The following PNLDC1 variants were observed in gnomAD, a reference collection of about 807,000 sequenced individuals.
PNLDC1 encodes PARN like ribonuclease domain containing exonuclease 1.
In PNLDC1, 70 loss-of-function variants were observed where a neutral mutation model predicts 82.0. The observed-to-expected ratio is 0.85, with a 90% CI of 0.70 to 1.04. The LOEUF (loss-of-function observed/expected upper bound fraction) is 1.04. Ranked by LOEUF, PNLDC1 falls within the 50% of genes least tolerant of loss-of-function variation. The probability of loss-of-function intolerance (pLI) is 0.00; values close to 1 mark genes in which losing one functional copy is unlikely to be tolerated. For missense variants in PNLDC1, 631 were observed against 661.1 expected (o/e 0.95, Z 0.50); for synonymous variants, 280 against 249.3 (o/e 1.12, Z -1.16).
chr6:159,807,504 C>T (rs976177773), intron 7 of PNLDC1, among the ~76,000 whole-genome samples: 1 of 152,212 alleles, frequency 6.6e-6, no homozygotes, highest in Non-Finnish European at 1.5e-5. Flanking sequence ...CATGTGCCAC[C>T]GTAAGCTTGA....
chr6:159,808,968 T>G (rs1017721490), intron 8 of PNLDC1, 47 bp from the exon 9 acceptor site: 3 of 1,604,468 alleles, frequency 1.9e-6, no homozygotes, highest in Non-Finnish European at 2.6e-6. Flanking sequence ...TCTTTAGGCC[T>G]CATTCCTAGT....
At position 159,819,014 on chromosome 6, in the gene PNLDC1, T is replaced by G; in HGVS notation, c.1326T>G (p.Pro442=). The change falls in exon 17 of 19, where the codon CCT becomes CCG. Residue 442 remains proline, a synonymous_variant. Transcript: ENST00000392167. The surrounding 1 kb of genome is among the most constrained non-coding windows in gnomAD (Gnocchi z 4.6). ...PILILSVKRW[P]GVSEQQVYHK... is the part of the protein sequence containing the mutation. ...TCATCCTCAGCGTCAAAAGGTGGCC[T>G]GGGGTCAGCGAGCAGCAAGTCTACC... is the stretch of plus-strand genomic sequence containing the variant. The G allele has an allele frequency of 6.2e-7, 1 of 1,614,026 alleles. No homozygotes were observed. Among genetic ancestry groups the G allele is most frequent in the Non-Finnish European group, 8.5e-7 (1 of 1,180,018 alleles).
In PNLDC1 at chr6:159,819,166, C is replaced by G. The variant is rs760781819; in HGVS notation, c.1433+45C>G. The G allele has an allele frequency of 1.2e-6, 2 of 1,610,136 alleles. No homozygotes were observed. Among genetic ancestry groups the G allele is most frequent in the Admixed American group, 1.7e-5 (1 of 59,960 alleles). ...CGTCCCCCACCCCTCGTGCGTTCAT[C>G]CCTGTATCTCTCTGACTCCACCCGC... On this transcript the variant is annotated intron_variant, in intron 17 of 18. Coordinates refer to ENST00000392167, the MANE Select transcript of PNLDC1 (RefSeq NM_001271862.2). This position sits in a 1 kb window ranked among gnomAD's most constrained non-coding sequence, Gnocchi z 4.6.
At chr6:159,818,923 C>T (rs1562507898) in intron 16 of PNLDC1, 23 bp from the exon 17 acceptor site, 9 of 1,610,834 alleles carry the variant, frequency 5.6e-6, no homozygotes, top group Non-Finnish European at 6.8e-6. Flanking sequence ...TGGAAAATCT[C>T]TTGTGTTCTG....
At chr6:159,807,799 A>C (rs73589356) in intron 7 of PNLDC1, among the ~76,000 whole-genome samples, 1 of 152,384 alleles carries the variant, frequency 6.6e-6, no homozygotes, top group African/African-American at 2.4e-5. Flanking sequence ...TTAATCTTTA[A>C]GAAACTACCA....
rs752761721 is a variant in PNLDC1 at position 159,808,790 on chromosome 6, A to G, written c.613A>G (p.Ile205Val). 1.9e-6 allele frequency: 3 copies of G among 1,613,984 alleles called. No homozygotes were observed. Among genetic ancestry groups the G allele is most frequent in the African/African-American group, 1.3e-5 (1 of 74,936 alleles). Reference protein sequence around the residue: ...QLVLRQALPNIWTVLKDEGVV... With the variant: ...QLVLRQALPNVWTVLKDEGVV... Reference sequence around the variant, plus strand: ...GGTGCTGAGGCAGGCCCTCCCCAACATCTGGACGGTGCTGAAAGATGAGGG... The same window carrying G: ...GGTGCTGAGGCAGGCCCTCCCCAACGTCTGGACGGTGCTGAAAGATGAGGG... Residue 205 changes from isoleucine to valine, a missense_variant, in exon 8 of 19, where the codon ATC becomes GTC. Coordinates refer to ENST00000392167, the MANE Select transcript of PNLDC1 (RefSeq NM_001271862.2).
intron 3 of PNLDC1, among the ~76,000 whole-genome samples, chr6:159,802,285 T>C (rs975919426): frequency 6.6e-6 from 1 of 152,062 alleles, no homozygotes; most frequent in Non-Finnish European, 1.5e-5. Context: ...TCTGGGTTTG[T>C]CTGTGCCCTC....
chr6:159,805,780 G>T, intron 6 of PNLDC1: 2 of 561,830 alleles, frequency 3.6e-6, no homozygotes, highest in South Asian at 2.0e-5. Context: ...GGATCCTATG[G>T]AAGGTTGTGG....
At chr6:159,803,761 G>T (rs1052202562) in intron 4 of PNLDC1, among the ~76,000 whole-genome samples, 2 of 152,114 alleles carry the variant, frequency 1.3e-5, no homozygotes, top group African/African-American at 4.8e-5. Flanking sequence ...TGTCTCTGTG[G>T]TATACGCTGG....
intron 15 of PNLDC1, among the ~76,000 whole-genome samples, chr6:159,818,324 A>G (rs1310680599): frequency 6.6e-6 from 1 of 152,230 alleles, no homozygotes; most frequent in Non-Finnish European, 1.5e-5. Context: ...AACCATCACC[A>G]GCAGATGGTG....
At chr6:159,811,377 A>C (rs1425096055) in intron 10 of PNLDC1, among the ~76,000 whole-genome samples, 2 of 152,130 alleles carry the variant, frequency 1.3e-5, no homozygotes, top group East Asian at 1.9e-4. Context: ...AAATGATATC[A>C]TGTCTGCCTT....
chr6:159,804,461 C>G, intron 5 of PNLDC1, 88 bp from the exon 6 acceptor site: 1 of 900,128 alleles, frequency 1.1e-6, no homozygotes, highest in South Asian at 1.5e-5. Flanking sequence ...TCTCCTTTCC[C>G]CTTTCTACCT....
chr6:159,819,560 T>C lies in PNLDC1; in HGVS notation c.1532+208T>C, dbSNP rs1424575080. 2.0e-5 allele frequency among the ~76,000 whole-genome samples: 3 copies of C among 152,230 alleles called. No homozygotes were observed. Among genetic ancestry groups the C allele is most frequent in the Non-Finnish European group, 4.4e-5 (3 of 68,040 alleles). ...GCTGTGCTGGGCACCATCGTAGTTC[T>C]AGGGCCTCGTCAGTGAAGCAGAAAA... On this transcript the variant is annotated intron_variant, in intron 18 of 18. Coordinates refer to ENST00000392167, the MANE Select transcript of PNLDC1 (RefSeq NM_001271862.2). This position sits in a 1 kb window ranked among gnomAD's most constrained non-coding sequence, Gnocchi z 4.6.
At chr6:159,800,702 A>C (rs1562494491) in intron 1 of PNLDC1, 70 bp from the exon 2 acceptor site, 63 of 1,614,024 alleles carry the variant, frequency 3.9e-5, no homozygotes, top group Non-Finnish European at 5.3e-5. Flanking sequence ...GGCCGCCTGC[A>C]GATCTACAGT....
intron 13 of PNLDC1, 120 bp from the exon 14 acceptor site, chr6:159,816,423 A>AAGGG: frequency 4.5e-6 from 4 of 891,596 alleles, no homozygotes; most frequent in South Asian, 2.6e-5. Context: ...GGGCCTGGAG[A>AAGGG]AGGGTATGCA....
chr6:159,808,498 T>C (rs1781527448), intron 7 of PNLDC1, among the ~76,000 whole-genome samples: 1 of 149,386 alleles, frequency 6.7e-6, no homozygotes, highest in African/African-American at 2.5e-5. Flanking sequence ...ACAAGCTCTA[T>C]GGCATCCCCA....
chr6:159,809,426 A>C (rs1781569376), intron 9 of PNLDC1, among the ~76,000 whole-genome samples: 1 of 150,012 alleles, frequency 6.7e-6, no homozygotes, highest in Non-Finnish European at 1.5e-5. Context: ...CTGGGACTAC[A>C]GGCACATGCC....
rs1583166923 is a variant in PNLDC1, at chr6:159,804,008, T to C, written c.292T>C (p.Phe98Leu). ...SCNFYLFPTT[F>L]GILDSEFSFQ... ...TAACTTCTATCTCTTCCCTACAACG[T>C]TTGGGATTTTGGACTCAGAATTCTC... is the stretch of plus-strand genomic sequence containing the variant. The change falls in exon 5 of 19, where the codon TTT becomes CTT. Residue 98 changes from phenylalanine (F) to leucine (L), a missense_variant. Transcript: ENST00000392167. 17 of 1,613,034 alleles carry C rather than the reference T, an allele frequency of 1.1e-5. No individual in the cohort carries two copies. In the African/African-American group the frequency reaches 1.3e-4, roughly 13 times the overall value.
Position 159,813,995 on chromosome 6 carries a change from G to T in PNLDC1, c.995+339G>T, listed in dbSNP as rs112621006. Among the ~76,000 whole-genome samples the T allele has an allele frequency of 2.8e-4, 43 of 152,132 alleles. 1 individual carries two copies. The East Asian group carries it at 8.1e-3, about 29-fold the overall frequency. On this transcript the variant is annotated intron_variant, in intron 12 of 18. Transcript: ENST00000392167. ...AGGCAGGAGGAGCTGCCACCTACTC[G>T]TCACCTTCACCCCTGCTCAGCAACT...
Sources: allele counts gnomAD v4.1 joint callset (sites outside exome capture counted in the v4.1 genomes callset), GRCh38; gene constraint gnomAD v4.1.1; non-coding constraint Gnocchi (gnomAD v3.1); transcripts MANE v1.5; gene names NCBI Gene and HGNC (gene_info 2026-07-23, HGNC 2026-07-21).